Variants in LNPEP observed in about 807,000 individuals in gnomAD.
LNPEP encodes the protein leucyl and cystinyl aminopeptidase, also known as leucyl-cystinyl aminopeptidase.
In LNPEP, 64 loss-of-function variants were observed where a neutral mutation model predicts 120.6. That is an observed-to-expected ratio of 0.53 (90% CI 0.43 to 0.65). The LOEUF is 0.65. Ranked by LOEUF, LNPEP falls within the 30% of genes least tolerant of loss-of-function variation. LNPEP has a pLI of 0.00. For synonymous variants in LNPEP, 435 were observed against 425.4 expected, an observed-to-expected ratio of 1.02 and a Z score of -0.28; for missense variants, 1,057 against 1,200.0, an observed-to-expected ratio of 0.88 and a Z score of 1.76.
chr5:97,027,688 C>G (rs777942605), intron 16 of LNPEP, 45 bp from the exon 17 acceptor site: 1 of 1,205,194 alleles, frequency 8.3e-7, no homozygotes, highest in Admixed American at 1.7e-5. Context: ...AACGCTTTAC[C>G]AGCAGCTGCC....
At chr5:96,980,471 CA>C (rs1260499805) in intron 2 of LNPEP, among the ~76,000 whole-genome samples, 1 of 151,950 alleles carries the variant, frequency 6.6e-6, no homozygotes, top group Non-Finnish European at 1.5e-5. Context: ...TTTAAAATGC[CA>C]GTCTATTTTG....
In LNPEP at chr5:97,013,776, G is replaced by T; in HGVS notation, c.2164G>T (p.Val722Phe). The change falls in exon 12 of 18, where the codon GTT (valine) becomes TTT (phenylalanine). Residue 722 changes from valine (V) to phenylalanine (F), a missense_variant. Physicochemically the swap from Val to Phe is conservative, Grantham distance 50. Transcript: ENST00000231368. ...LIHQLKINPY[V>F]LSDKDRANLI... ...CCATCAGTTGAAAATAAATCCTTAT[G>T]TTCTGAGTGACAAAGACCGAGCCAA... The T allele has an allele frequency of 1.2e-6, 2 of 1,611,906 alleles. No individual in the cohort carries two copies. The highest frequency in any genetic ancestry group is 1.7e-6 in the Non-Finnish European group (2 of 1,178,808).
rs1012320822 is a variant in LNPEP, at chr5:97,032,158, A to G, written c.*3625A>G. 1.3e-5 allele frequency: 2 copies of G among 152,222 alleles called. No homozygotes were observed. The highest frequency in any genetic ancestry group is 2.4e-5 in the African/African-American group (1 of 41,468). The allele number at this position is 152,222 out of a possible 1,614,324, so 9.4% of individuals were successfully genotyped here. A position where few individuals can be genotyped will look rare whatever the true frequency, so the allele number is the denominator to read the frequency against. On this transcript the variant is annotated 3_prime_UTR_variant, in exon 18 of 18. Coordinates refer to ENST00000231368, the MANE Select transcript of LNPEP (RefSeq NM_005575.3). ...TTAGGCCTCTCTAAAAACTGAGGCCATGGATATGACATAGCTTTTCTTCTC... is the reference window on the plus strand; with the variant it reads ...TTAGGCCTCTCTAAAAACTGAGGCCGTGGATATGACATAGCTTTTCTTCTC...
chr5:96,991,967 C>T (rs1790398140), intron 4 of LNPEP, among the ~76,000 whole-genome samples: 1 of 152,010 alleles, frequency 6.6e-6, no homozygotes, highest in Non-Finnish European at 1.5e-5. Flanking sequence ...TTATTTTCTA[C>T]TGTGTCTAAT....
chr5:97,016,982 T>C (rs1040942119), intron 13 of LNPEP, among the ~76,000 whole-genome samples: 1 of 152,176 alleles, frequency 6.6e-6, no homozygotes, highest in Non-Finnish European at 1.5e-5. Context: ...TGAATGTCTT[T>C]ATGCATTTCT....
At chr5:96,976,313 C>T (rs1032600499) in intron 1 of LNPEP, among the ~76,000 whole-genome samples, 2 of 151,864 alleles carry the variant, frequency 1.3e-5, no homozygotes, top group Admixed American at 1.3e-4. Flanking sequence ...ATCTCCATTT[C>T]TGAAAGATTA....
At chr5:97,011,918 C>T (rs1391623520) in intron 11 of LNPEP, among the ~76,000 whole-genome samples, 1 of 152,186 alleles carries the variant, frequency 6.6e-6, no homozygotes, top group Non-Finnish European at 1.5e-5. Context: ...TTAAGGGCAT[C>T]TGACACATTT....
intron 11 of LNPEP, among the ~76,000 whole-genome samples, chr5:97,009,003 A>C (rs1332951950): frequency 6.6e-6 from 1 of 151,870 alleles, no homozygotes; most frequent in Non-Finnish European, 1.5e-5. Context: ...GCTCTTTTTG[A>C]GAGTTTAACC....
In LNPEP at chr5:96,967,176, A is replaced by G. The variant is rs147914454; in HGVS notation, c.20-11962A>G. ...GTCAAATGGCTGCCTTGATATAAAA[A>G]CACTATAACTGCTCCCAAAACATCC... On this transcript the variant is annotated intron_variant, in intron 1 of 17. Coordinates refer to ENST00000231368, the MANE Select transcript of LNPEP (RefSeq NM_005575.3). Among the ~76,000 whole-genome samples the G allele has an allele frequency of 2.2e-3, 335 of 152,264 alleles. 2 individuals carry two copies. Among genetic ancestry groups the G allele is most frequent in the African/African-American group, 7.5e-3 (312 of 41,554 alleles).
rs906725383 is a variant in LNPEP at position 96,979,030 on chromosome 5, T to TA, written c.20-101dup. ...GAGATGGAAATAAGTCTTAGTGACT[T>TA]AAAAAAATTCTTAGTTTAAATGTGG... On this transcript the variant is annotated intron_variant, in intron 1 of 17. Transcript: ENST00000231368. 33 of 1,307,930 alleles carry TA rather than the reference T, an allele frequency of 2.5e-5. No individual in the cohort carries two copies. In the African/African-American group the frequency reaches 4.0e-4, roughly 16 times the overall value. 81.0% of individuals were successfully genotyped at this position (1,307,930 alleles called of 1,614,324 possible). A position where few individuals can be genotyped will look rare whatever the true frequency, so the allele number is the denominator to read the frequency against.
chr5:96,958,112 A>G (rs1363974), intron 1 of LNPEP, among the ~76,000 whole-genome samples: 61,271 of 152,166 alleles, frequency 0.4, 12,416 homozygotes, highest in Non-Finnish European at 0.43. Context: ...AAGTAGAGAA[A>G]GGAAATGGAA....
intron 8 of LNPEP, among the ~76,000 whole-genome samples, chr5:97,003,008 C>T (rs1790690117): frequency 1.3e-5 from 2 of 152,156 alleles, no homozygotes; most frequent in South Asian, 2.1e-4. Context: ...ATTGTGTCTC[C>T]AGCACACAAT....
chr5:96,987,175 A>G (rs920120843), intron 4 of LNPEP, among the ~76,000 whole-genome samples: 2 of 152,114 alleles, frequency 1.3e-5, no homozygotes, highest in African/African-American at 2.4e-5. Flanking sequence ...AAGATTGTCT[A>G]TTTAGTTAAG....
At chr5:97,004,843 A>G (rs1274847509) in intron 9 of LNPEP, among the ~76,000 whole-genome samples, 3 of 152,202 alleles carry the variant, frequency 2.0e-5, no homozygotes, top group South Asian at 2.1e-4. Flanking sequence ...TAGTATTTCA[A>G]TTGAAAGCCA....
chr5:97,021,918 C>CTTTTTTTTTT (rs1561455270), intron 13 of LNPEP, among the ~76,000 whole-genome samples: 2 of 50,016 alleles, frequency 4.0e-5, no homozygotes, highest in Admixed American at 4.0e-4. Context: ...TGTTTTTTGT[C>CTTTTTTTTTT]TTTTGTTTTT....
intron 4 of LNPEP, among the ~76,000 whole-genome samples, chr5:96,988,461 C>T (rs1160720911): frequency 2.6e-5 from 4 of 151,540 alleles, no homozygotes; most frequent in Non-Finnish European, 5.9e-5. Flanking sequence ...GCCTCAGCCT[C>T]CTGAGCAGCT....
At chr5:96,945,549 A>G (rs913479310) in intron 1 of LNPEP, among the ~76,000 whole-genome samples, 2 of 152,122 alleles carry the variant, frequency 1.3e-5, no homozygotes, top group Admixed American at 1.3e-4. Flanking sequence ...ACAGCCTGCT[A>G]TCTGTTGTGT....
chr5:96,989,528 C>G (rs1473131489), intron 4 of LNPEP, among the ~76,000 whole-genome samples: 3 of 149,704 alleles, frequency 2.0e-5, no homozygotes, highest in Non-Finnish European at 4.4e-5. Flanking sequence ...GATCAGGGAT[C>G]TTTCTAGTTG....
At chr5:96,983,548 C>T (rs773267395) in intron 2 of LNPEP, among the ~76,000 whole-genome samples, 3 of 152,196 alleles carry the variant, frequency 2.0e-5, no homozygotes, top group Middle Eastern at 6.8e-3. Context: ...CAGGTGCAAG[C>T]GATTCTCCTG....
Sources: allele counts gnomAD v4.1 joint callset (sites outside exome capture counted in the v4.1 genomes callset), GRCh38; gene constraint gnomAD v4.1.1; transcripts MANE v1.5; gene names NCBI Gene and HGNC (gene_info 2026-07-23, HGNC 2026-07-21).